The following DDX46 variants were observed in gnomAD, a reference collection of about 807,000 sequenced individuals.
The protein encoded by DDX46 is probable ATP-dependent RNA helicase DDX46.
Under a neutral mutation model 134.9 loss-of-function variants are expected in DDX46, and 30 were observed. That is an observed-to-expected ratio of 0.22 (90% confidence interval 0.17 to 0.30). The LOEUF (loss-of-function observed/expected upper bound fraction) is 0.30. Ranked by LOEUF, DDX46 falls within the 10% of genes least tolerant of loss-of-function variation. The probability of loss-of-function intolerance (pLI) is 1.00; values close to 1 mark genes in which losing one functional copy is unlikely to be tolerated. For synonymous variants in DDX46, 415 were observed against 404.1 expected (o/e 1.03, Z -0.32); for missense variants, 622 against 1,248.7 (o/e 0.50, Z 7.56).
intron 1 of DDX46, 53 bp from the exon 2 acceptor site, chr5:134,763,851 G>T (rs745602400): frequency 2.7e-5 from 41 of 1,495,082 alleles, no homozygotes; most frequent in Non-Finnish European, 3.6e-5. Flanking sequence ...GTAATAAAAT[G>T]TAATAGAAGC....
intron 13 of DDX46, among the ~76,000 whole-genome samples, chr5:134,790,955 C>T (rs1156229772): frequency 1.3e-5 from 2 of 151,286 alleles, no homozygotes; most frequent in Non-Finnish European, 2.9e-5. Flanking sequence ...CTCCCGAGTA[C>T]CTGGGACTAC....
rs773121490 is a variant in DDX46, at chr5:134,763,885, C to T, written c.18-19C>T. ...GCTAATGGTGTTTGCTGAACTTAAT[C>T]TTTGACTTATTGTTCTAGCCACTAT... is the stretch of plus-strand genomic sequence containing the variant. On this transcript the variant is annotated intron_variant, in intron 1 of 22. Coordinates refer to ENST00000452510, the MANE Select transcript of DDX46 (RefSeq NM_001300860.2). 4.4e-6 allele frequency: 7 copies of T among 1,598,878 alleles called. No homozygotes were observed. The East Asian group carries it at 1.6e-4, about 36-fold the overall frequency.
intron 13 of DDX46, 89 bp downstream of exon 13, chr5:134,790,641 T>TCA (rs58808472): frequency 8.2e-6 from 9 of 1,103,708 alleles, no homozygotes; most frequent in Admixed American, 6.1e-5. Flanking sequence ...TTTCTGAAAT[T>TCA]CACACACACA....
intron 15 of DDX46, among the ~76,000 whole-genome samples, chr5:134,796,503 T>C (rs1411343572): frequency 6.6e-6 from 1 of 152,270 alleles, no homozygotes; most frequent in African/African-American, 2.4e-5. Flanking sequence ...TTTTAATTTC[T>C]TGTGATATTG....
chr5:134,759,694 G>A (rs2150126011), intron 1 of DDX46, among the ~76,000 whole-genome samples: 1 of 152,250 alleles, frequency 6.6e-6, no homozygotes, highest in Non-Finnish European at 1.5e-5. Flanking sequence ...GAACAATGAA[G>A]GCTTTTGTTG....
At chr5:134,769,057 C>CA (rs1175052304) in intron 3 of DDX46, among the ~76,000 whole-genome samples, 2 of 151,792 alleles carry the variant, frequency 1.3e-5, no homozygotes, top group Non-Finnish European at 2.9e-5. Flanking sequence ...GACTCCGTCT[C>CA]AAAAAAATCC....
At chr5:134,765,370 C>T (rs1359889422) in intron 2 of DDX46, among the ~76,000 whole-genome samples, 1 of 148,344 alleles carries the variant, frequency 6.7e-6, no homozygotes, top group Non-Finnish European at 1.5e-5. Flanking sequence ...ATGGTGAAAC[C>T]CCGTCTCTAC....
At chr5:134,795,207 T>TG (rs1754616984) in intron 14 of DDX46, among the ~76,000 whole-genome samples, 193 bp downstream of exon 14, 1 of 143,418 alleles carries the variant, frequency 7.0e-6, no homozygotes, top group African/African-American at 2.6e-5. Flanking sequence ...AATGCTTGTT[T>TG]TTTTTTTTTT....
Position 134,806,236 on chromosome 5 carries a change from T to C in DDX46, c.1955-1512T>C, listed in dbSNP as rs553023868. On this transcript the variant is annotated intron_variant, in intron 15 of 22. Coordinates refer to ENST00000452510, the MANE Select transcript of DDX46 (RefSeq NM_001300860.2). ...TTAAAAAAAAAAAAAAGAGACATCC[T>C]GAAAACAGAAAGTTTGAGAAGGGCT... is the stretch of plus-strand genomic sequence containing the variant. Among the ~76,000 whole-genome samples the C allele has an allele frequency of 6.9e-4, 104 of 151,578 alleles. 2 individuals carry two copies. The highest frequency in any genetic ancestry group is 6.8e-3 in the Admixed American group (103 of 15,212).
At chr5:134,783,986 A>G (rs1754253875) in intron 9 of DDX46, among the ~76,000 whole-genome samples, 3 of 151,652 alleles carry the variant, frequency 2.0e-5, no homozygotes, top group African/African-American at 7.3e-5. Flanking sequence ...CGCCCTGCCT[A>G]ATTTTTAAAT....
chr5:134,828,593 C>G, intron 22 of DDX46, 66 bp from the exon 23 acceptor site: 2 of 880,432 alleles, frequency 2.3e-6, no homozygotes, highest in Non-Finnish European at 1.5e-6. Flanking sequence ...TTGGTTGGTT[C>G]GTTTTTTTTT....
intron 9 of DDX46, among the ~76,000 whole-genome samples, chr5:134,784,041 C>T (rs923414068): frequency 2.0e-5 from 3 of 151,986 alleles, no homozygotes; most frequent in Non-Finnish European, 4.4e-5. Flanking sequence ...AGTAGTCAGT[C>T]TTCTCCCCTC....
intron 6 of DDX46, among the ~76,000 whole-genome samples, chr5:134,780,134 G>GTGTGTATATGTATATATGTGCATGTATA (rs1754091921): frequency 6.8e-6 from 1 of 146,580 alleles, no homozygotes; most frequent in Non-Finnish European, 1.5e-5. Context: ...GTGTGTGTGT[G>GTGTGTATATGTATATATGTGCATGTATA]TGTGTATATG....
At chr5:134,803,056 G>A (rs1053788296) in intron 15 of DDX46, among the ~76,000 whole-genome samples, 6 of 151,920 alleles carry the variant, frequency 3.9e-5, no homozygotes, top group African/African-American at 7.3e-5. Context: ...GTGCAGTGGC[G>A]TGATCTCAGC....
Position 134,773,689 on chromosome 5 carries a change from C to T in DDX46, c.448-7C>T. On this transcript the variant is annotated splice_polypyrimidine_tract_variant and splice_region_variant and intron_variant, in intron 4 of 22. Coordinates refer to ENST00000452510, the MANE Select transcript of DDX46 (RefSeq NM_001300860.2). Reference sequence around the variant, plus strand: ...CCCCATCTCTTTCTTTCTTTTATTCCCCCAAGAACTTTGACCAGAATAAGC... The same window carrying T: ...CCCCATCTCTTTCTTTCTTTTATTCTCCCAAGAACTTTGACCAGAATAAGC... 5.1e-6 allele frequency: 8 copies of T among 1,555,078 alleles called. No homozygotes were observed. Among genetic ancestry groups the T allele is most frequent in the Admixed American group, 2.1e-5 (1 of 47,626 alleles).
intron 21 of DDX46, among the ~76,000 whole-genome samples, chr5:134,823,695 T>C (rs536870472): frequency 6.6e-6 from 1 of 152,328 alleles, no homozygotes; most frequent in South Asian, 2.1e-4. Context: ...GGTGACACTG[T>C]TTCTTATTAC....
intron 15 of DDX46, among the ~76,000 whole-genome samples, chr5:134,797,932 C>A (rs1270749177): frequency 2.0e-5 from 3 of 151,944 alleles, no homozygotes; most frequent in African/African-American, 7.3e-5. Context: ...CCTGCCTCAG[C>A]CTCCCCAGTA....
chr5:134,766,578 G>A (rs1479717404), intron 2 of DDX46, among the ~76,000 whole-genome samples: 4 of 150,792 alleles, frequency 2.7e-5, no homozygotes, highest in African/African-American at 9.8e-5. Context: ...AAAATTAGCC[G>A]GGCATGGTGA....
chr5:134,822,545 G>T (rs1755485305), intron 21 of DDX46, among the ~76,000 whole-genome samples: 1 of 151,998 alleles, frequency 6.6e-6, no homozygotes, highest in South Asian at 2.1e-4. Context: ...CTATGTTACA[G>T]TCTAGGCTTG....
Sources: gnomAD v4.1 joint callset for allele counts (sites outside exome capture counted in the v4.1 genomes callset) on GRCh38, gnomAD v4.1.1 for gene constraint, MANE v1.5 for transcripts, NCBI Gene and HGNC (gene_info 2026-07-23, HGNC 2026-07-21) for gene names.